Variants in CALM2 observed in about 807,000 individuals in gnomAD.
CALM2 encodes calmodulin-2.
Under a neutral mutation model 19.8 loss-of-function variants are expected in CALM2, and 2 were observed. The ratio of observed to expected loss-of-function variants is 0.10; its 90% CI spans 0.04 to 0.32. The LOEUF (loss-of-function observed/expected upper bound fraction) is 0.32, where lower values mean the gene tolerates loss of function less well. Among genes scored for constraint, CALM2 ranks in the 10% least tolerant of loss-of-function variants. The probability of loss-of-function intolerance (pLI) is 1.00; values close to 1 mark genes in which losing one functional copy is unlikely to be tolerated. For missense variants in CALM2, 38 were observed against 178.7 expected (o/e 0.21, Z 4.49); for synonymous variants, 51 against 52.1 (o/e 0.98, Z 0.09).
rs62141689 is a variant in CALM2 at position 47,164,463 on chromosome 2, G to A, written c.35-1801C>T. 3.2e-3 allele frequency among the ~76,000 whole-genome samples: 488 copies of A among 151,518 alleles called. 1 individual carries two copies. Among genetic ancestry groups the A allele is most frequent in the African/African-American group, 0.011 (469 of 41,316 alleles). On this transcript the variant is annotated intron_variant, in intron 2 of 5. Transcript: ENST00000272298. ...AACACACACACAAGCTGGGTGTGGC[G>A]GCGTGCGCCTGTAGTCCCAGCTACT... is the stretch of plus-strand genomic sequence containing the variant.
Position 47,160,555 on chromosome 2 carries a change from T to A in CALM2, c.*221A>T, listed in dbSNP as rs541269448. ...CAGAAGGGCTTAGATATATCCAGAG[T>A]AAGCCACATGCAACATGTTACTTGA... is the stretch of plus-strand genomic sequence containing the variant. On this transcript the variant is annotated 3_prime_UTR_variant, in exon 6 of 6. Transcript: ENST00000272298. 4.2e-4 allele frequency: 183 copies of A among 431,338 alleles called. No individual in the cohort carries two copies. Among genetic ancestry groups the A allele is most frequent in the Admixed American group, 1.7e-3 (39 of 23,468 alleles). 26.7% of individuals were successfully genotyped at this position (431,338 alleles called of 1,614,324 possible).
Position 47,175,498 on chromosome 2 carries a change from CAAGATGTGTATT to C in CALM2, c.3+931_3+942del, listed in dbSNP as rs1428598528. Among the ~76,000 whole-genome samples the C allele has an allele frequency of 9.2e-5, 14 of 152,350 alleles. 1 individual carries two copies. The South Asian group carries it at 2.7e-3, about 29-fold the overall frequency. ...AGCTGGAGCCGAACACTTTCCCTAA[CAAGATGTGTATT>C]GCGAGGACGCGCCCCTGACTTCAAG... On this transcript the variant is annotated intron_variant, in intron 1 of 5. Transcript: ENST00000272298.
At chr2:47,174,466 TAA>T (rs1216034778) in intron 1 of CALM2, among the ~76,000 whole-genome samples, 1 of 152,164 alleles carries the variant, frequency 6.6e-6, no homozygotes, top group African/African-American at 2.4e-5. Context: ...CCTCTAATTA[TAA>T]AGTTATGTGA....
At chr2:47,176,304 T>G (rs1271366488) in intron 1 of CALM2, 137 bp downstream of exon 1, 2 of 1,054,288 alleles carry the variant, frequency 1.9e-6, no homozygotes, top group East Asian at 2.6e-5. Context: ...CCGGCATCCC[T>G]GGCCTCTTTC....
chr2:47,163,400 C>T (rs1666319278), intron 2 of CALM2: 1 of 151,898 alleles, frequency 6.6e-6, no homozygotes, highest in Admixed American at 6.6e-5. Flanking sequence ...GATTATTCCT[C>T]AACATCTTGT....
upstream of CALM2, chr2:47,176,577 C>A (rs1050835444): frequency 6.5e-7 from 1 of 1,548,882 alleles, no homozygotes; most frequent in African/African-American, 1.4e-5. Context: ...CCGCCGCATC[C>A]AGATAACGGA....
rs1349733809 is a variant in CALM2, at chr2:47,162,289, A to G, written c.282T>C (p.Asp94=). ...EEIREAFRVF[D]KDGNGYISAA... ...ACATATCCAGTCCTTGACGTACCTT[A>G]TCAAACACACGGAATGCTTCTCTAA... The change falls in exon 4 of 6, where the codon GAT becomes GAC. Residue 94 remains aspartate (D), a synonymous_variant. Coordinates refer to ENST00000272298, the MANE Select transcript of CALM2 (RefSeq NM_001743.6). 3.1e-6 allele frequency: 5 copies of G among 1,589,534 alleles called. No homozygotes were observed. In the South Asian group the frequency reaches 5.7e-5, roughly 18 times the overall value.
chr2:47,169,181 A>G (rs1430268418), intron 2 of CALM2, among the ~76,000 whole-genome samples: 2 of 152,246 alleles, frequency 1.3e-5, no homozygotes, highest in African/African-American at 4.8e-5. Context: ...TACTGCATAC[A>G]GTTGGTACCT....
chr2:47,172,561 A>G, intron 1 of CALM2: 2 of 839,338 alleles, frequency 2.4e-6, no homozygotes, highest in Non-Finnish European at 3.3e-6. Flanking sequence ...GAATGTAGAC[A>G]TGCATGGCAT....
rs1687179366 is a variant in CALM2 at position 47,162,188 on chromosome 2, A to AAAAAAC, written c.285+97_285+98insGTTTTT. 34 of 461,306 alleles carry AAAAAAC rather than the reference A, an allele frequency of 7.4e-5. No homozygotes were observed. In the South Asian group the frequency reaches 1.2e-3, roughly 16 times the overall value. 28.6% of individuals were successfully genotyped at this position (461,306 alleles called of 1,614,324 possible). A position where few individuals can be genotyped will look rare whatever the true frequency, so the allele number is the denominator to read the frequency against. On this transcript the variant is annotated intron_variant, in intron 4 of 5. Coordinates refer to ENST00000272298, the MANE Select transcript of CALM2 (RefSeq NM_001743.6). ...TAAATCATCAAAAAAAAAAAAAAAA[A>AAAAAAC]AAAAAAAAAAAACAACCAAAAAAAC... is the stretch of plus-strand genomic sequence containing the variant.
chr2:47,169,222 T>C (rs1205006937), intron 2 of CALM2, among the ~76,000 whole-genome samples: 1 of 152,186 alleles, frequency 6.6e-6, no homozygotes, highest in Non-Finnish European at 1.5e-5. Context: ...AGAAATGTAT[T>C]ACAGAAGGTC....
chr2:47,167,890 T>A (rs1245935767), intron 2 of CALM2, among the ~76,000 whole-genome samples: 2 of 144,094 alleles, frequency 1.4e-5, no homozygotes, highest in Non-Finnish European at 3.0e-5. Context: ...TGCCTCAGCC[T>A]CCCAAAGTGT....
chr2:47,172,251 T>C lies in CALM2; in HGVS notation c.4-1487A>G, dbSNP rs568777484. On this transcript the variant is annotated intron_variant, in intron 1 of 5. Coordinates refer to ENST00000272298, the MANE Select transcript of CALM2 (RefSeq NM_001743.6). ...CATTTTGCAGGACTTCCACCATTTC[T>C]GAAAGGAAGGGCAACCTGGCATGCG... 99 of 318,116 alleles carry C rather than the reference T, an allele frequency of 3.1e-4. 1 individual carries two copies. The highest frequency in any genetic ancestry group is 2.4e-3 in the South Asian group (96 of 39,664). The allele number at this position is 318,116 out of a possible 1,614,324, so 19.7% of individuals were successfully genotyped here.
chr2:47,174,328 T>C (rs1345850258), intron 1 of CALM2: 2 of 152,162 alleles, frequency 1.3e-5, no homozygotes, highest in Non-Finnish European at 2.9e-5. Flanking sequence ...CATAGCTCAC[T>C]ACAGTCTCCA....
chr2:47,170,473 T>C (rs1666630601), intron 2 of CALM2, among the ~76,000 whole-genome samples: 1 of 152,210 alleles, frequency 6.6e-6, no homozygotes, highest in Non-Finnish European at 1.5e-5. Flanking sequence ...AGACCACCAC[T>C]ACACCACAAG....
At chr2:47,167,242 G>T (rs889660650) in intron 2 of CALM2, among the ~76,000 whole-genome samples, 14 of 152,036 alleles carry the variant, frequency 9.2e-5, no homozygotes, top group African/African-American at 3.1e-4. Flanking sequence ...TGAAAGTTTA[G>T]GTACAGACTT....
intron 1 of CALM2, chr2:47,173,975 G>C (rs1474386114): frequency 6.6e-6 from 1 of 152,182 alleles, no homozygotes; most frequent in Non-Finnish European, 1.5e-5. Flanking sequence ...TCTAGCTGAA[G>C]CTAGAGCTTT....
chr2:47,163,477 G>T (rs1666324615), intron 2 of CALM2: 3 of 150,846 alleles, frequency 2.0e-5, no homozygotes, highest in African/African-American at 7.3e-5. Context: ...TTGTTGTCCA[G>T]GCTGGAGTGC....
In CALM2 at chr2:47,176,488, C is replaced by T. The variant is rs181460536; in HGVS notation, c.-45G>A. 10 of 1,613,092 alleles carry T rather than the reference C, an allele frequency of 6.2e-6. 1 individual carries two copies. The highest frequency in any genetic ancestry group is 3.3e-5 in the South Asian group (3 of 90,808). ...TCCGAGACGCGACCACACAACCACT[C>T]AGCTCGCTCTCTCCACTCGGACTAA... is the stretch of plus-strand genomic sequence containing the variant. On this transcript the variant is annotated 5_prime_UTR_variant, in exon 1 of 6. Coordinates refer to ENST00000272298, the MANE Select transcript of CALM2 (RefSeq NM_001743.6).
Sources: allele counts gnomAD v4.1 joint callset (sites outside exome capture counted in the v4.1 genomes callset), GRCh38; gene constraint gnomAD v4.1.1; transcripts MANE v1.5; gene names NCBI Gene and HGNC (gene_info 2026-07-23, HGNC 2026-07-21).